TBC1D22A: variants seen among roughly 807,000 people sequenced by gnomAD.
TBC1D22A encodes putative GTPase activator.
In TBC1D22A, 38 loss-of-function variants were observed where a neutral mutation model predicts 60.2. That is an observed-to-expected ratio of 0.63 (90% CI 0.49 to 0.83). The LOEUF (loss-of-function observed/expected upper bound fraction) is 0.83. Among genes scored for constraint, TBC1D22A ranks in the 40% least tolerant of loss-of-function variants. TBC1D22A has a pLI of 0.00. For missense variants in TBC1D22A, 628 were observed against 701.0 expected (o/e 0.90, Z 1.18); for synonymous variants, 302 against 281.7 (o/e 1.07, Z -0.72).
In TBC1D22A at chr22:46,813,374, A is replaced by G. The variant is rs762096360; in HGVS notation, c.637+15754A>G. Among the ~76,000 whole-genome samples, 5 of 152,200 alleles carry G rather than the reference A, an allele frequency of 3.3e-5. No homozygotes were observed. The East Asian group carries it at 9.6e-4, about 29-fold the overall frequency. On this transcript the variant is annotated intron_variant, in intron 4 of 12. Coordinates refer to ENST00000337137, the MANE Select transcript of TBC1D22A (RefSeq NM_014346.5). ...ATCCTTAGTATGCGGCATTTAATTT[A>G]CAGTTATTTTCAGTGAGATTTTAAA...
At chr22:46,971,423 G>A (rs58655701) in intron 8 of TBC1D22A, among the ~76,000 whole-genome samples, 1,834 of 152,300 alleles carry the variant, frequency 0.012, 44 homozygotes, top group African/African-American at 0.042. Flanking sequence ...AGGATACGTC[G>A]ATGGGAAACT....
At chr22:46,964,415 G>C (rs2073698600) in intron 8 of TBC1D22A, among the ~76,000 whole-genome samples, 1 of 152,212 alleles carries the variant, frequency 6.6e-6, no homozygotes, top group Non-Finnish European at 1.5e-5. Flanking sequence ...TGAGAAGCTG[G>C]AAGGGAAGGA....
At chr22:47,130,369 A>G (rs1335901882) in intron 12 of TBC1D22A, among the ~76,000 whole-genome samples, 1 of 150,974 alleles carries the variant, frequency 6.6e-6, no homozygotes, top group Non-Finnish European at 1.5e-5. Flanking sequence ...CGTTTGCCTC[A>G]CTGTCTTCCT....
intron 4 of TBC1D22A, among the ~76,000 whole-genome samples, chr22:46,876,306 C>T (rs1484341191): frequency 6.6e-6 from 1 of 152,166 alleles, no homozygotes. Context: ...CATATCCGCA[C>T]AAAAAGACAG....
At chr22:47,045,210 T>C (rs4477) in intron 11 of TBC1D22A, among the ~76,000 whole-genome samples, 107,247 of 152,078 alleles carry the variant, frequency 0.71, 38,322 homozygotes, top group East Asian at 0.92. Flanking sequence ...GATTGTGAAC[T>C]GTGGCTGCGT....
intron 11 of TBC1D22A, among the ~76,000 whole-genome samples, chr22:47,108,800 A>G (rs954994049): frequency 6.6e-6 from 1 of 152,094 alleles, no homozygotes; most frequent in African/African-American, 2.4e-5. Context: ...GGTTCATGCC[A>G]TTCTCCTGCC....
At chr22:46,796,607 C>A (rs1253214039) in intron 3 of TBC1D22A, among the ~76,000 whole-genome samples, 1 of 152,056 alleles carries the variant, frequency 6.6e-6, no homozygotes, top group Non-Finnish European at 1.5e-5. Flanking sequence ...GATCTGAGGG[C>A]CTTAGGGTCT....
At chr22:46,846,247 G>A (rs1033430853) in intron 4 of TBC1D22A, among the ~76,000 whole-genome samples, 2 of 152,226 alleles carry the variant, frequency 1.3e-5, no homozygotes, top group African/African-American at 4.8e-5. Context: ...GGCAATAGCT[G>A]TTGTGATCTT....
chr22:46,915,680 C>T (rs939186302), intron 8 of TBC1D22A: 4 of 456,584 alleles, frequency 8.8e-6, no homozygotes, highest in African/African-American at 6.0e-5. Context: ...CAGGGGCTTT[C>T]AGGCAACAGC....
rs770438289 is a variant in TBC1D22A at position 46,894,861 on chromosome 22, C to G, written c.900+15C>G. 6.2e-7 allele frequency: 1 copy of G among 1,614,086 alleles called. No individual in the cohort carries two copies. The highest frequency in any genetic ancestry group is 8.5e-7 in the Non-Finnish European group (1 of 1,179,960). On this transcript the variant is annotated intron_variant, in intron 7 of 12. Transcript: ENST00000337137. ...AGGTGACGGAGGTAAGAAGCTCTTG[C>G]CGTGGGGAGTTCCCCTCGTTGGGAG... is the stretch of plus-strand genomic sequence containing the variant.
At chr22:46,921,829 C>T (rs2070777850) in intron 8 of TBC1D22A, among the ~76,000 whole-genome samples, 1 of 151,728 alleles carries the variant, frequency 6.6e-6, no homozygotes, top group Non-Finnish European at 1.5e-5. Flanking sequence ...CAAATATTTT[C>T]TCCTGTAGGT....
At chr22:47,037,228 G>C (rs765923613) in intron 11 of TBC1D22A, 30 bp downstream of exon 11, 1 of 1,609,738 alleles carries the variant, frequency 6.2e-7, no homozygotes. Flanking sequence ...CTCCGCCATG[G>C]GGGTGCCAGG....
intron 10 of TBC1D22A, among the ~76,000 whole-genome samples, chr22:47,024,728 G>A (rs1316399642): frequency 6.6e-6 from 1 of 152,090 alleles, no homozygotes; most frequent in Non-Finnish European, 1.5e-5. Context: ...TGGCAGACGT[G>A]TGCCTGTGGG....
chr22:46,805,174 C>G (rs1043544268), intron 4 of TBC1D22A, among the ~76,000 whole-genome samples: 11 of 152,196 alleles, frequency 7.2e-5, no homozygotes, highest in African/African-American at 2.4e-4. Context: ...TCCTCCTGTT[C>G]CAGTGACTGG....
chr22:46,954,396 C>G (rs2073079747), intron 8 of TBC1D22A, among the ~76,000 whole-genome samples: 1 of 152,234 alleles, frequency 6.6e-6, no homozygotes, highest in Non-Finnish European at 1.5e-5. Context: ...TCATTCCTAT[C>G]TGTTGAATGA....
chr22:46,976,106 T>A (rs1026575417), intron 9 of TBC1D22A, among the ~76,000 whole-genome samples: 20 of 152,260 alleles, frequency 1.3e-4, no homozygotes, highest in African/African-American at 4.6e-4. Context: ...AAATTTCAAA[T>A]GTCGCTTCTC....
At chr22:47,170,793 ACCCTCC>A (rs1569482038) in intron 12 of TBC1D22A, among the ~76,000 whole-genome samples, 2 of 112,626 alleles carry the variant, frequency 1.8e-5, no homozygotes. Flanking sequence ...CTGGTGTGTA[ACCCTCC>A]TGATGCAGGA....
At chr22:47,055,326 G>A (rs1007479491) in intron 11 of TBC1D22A, among the ~76,000 whole-genome samples, 1 of 152,248 alleles carries the variant, frequency 6.6e-6, no homozygotes, top group South Asian at 2.1e-4. Context: ...GTTGGAGCAG[G>A]TGGGTGGTTA....
intron 4 of TBC1D22A, among the ~76,000 whole-genome samples, chr22:46,808,652 T>G (rs950920850): frequency 2.6e-5 from 4 of 152,150 alleles, no homozygotes; most frequent in African/African-American, 9.7e-5. Flanking sequence ...CAGAGTGCAG[T>G]GGCGCGATGT....
Sources: gnomAD v4.1 joint callset for allele counts (sites outside exome capture counted in the v4.1 genomes callset) on GRCh38, gnomAD v4.1.1 for gene constraint, MANE v1.5 for transcripts, NCBI Gene and HGNC (gene_info 2026-07-23, HGNC 2026-07-21) for gene names.